The following ACVR2A variants were observed in gnomAD, a reference collection of about 807,000 sequenced individuals.
ACVR2A encodes the protein activin receptor type-2A.
Under a neutral mutation model 61.4 loss-of-function variants are expected in ACVR2A, and 7 were observed. The ratio of observed to expected loss-of-function variants is 0.11; its 90% CI spans 0.06 to 0.21. ACVR2A has a LOEUF of 0.21. ACVR2A is among the 10% of genes least tolerant of loss of function. The pLI is 1.00. For synonymous variants in ACVR2A, 193 were observed against 208.3 expected, an observed-to-expected ratio of 0.93 and a Z score of 0.63; for missense variants, 322 against 621.7, an observed-to-expected ratio of 0.52 and a Z score of 5.13.
Position 147,927,349 on chromosome 2 carries a change from TTTA to T in ACVR2A, c.*78_*80del. On this transcript the variant is annotated 3_prime_UTR_variant, in exon 11 of 11. Coordinates refer to ENST00000241416, the MANE Select transcript of ACVR2A (RefSeq NM_001616.5). ...GCTAAGCTAAAGAAACTGCTTACAG[TTTA>T]TTTTCTGTGTAAAATGAGTAGGATG... is the stretch of plus-strand genomic sequence containing the variant. The T allele has an allele frequency of 1.5e-6, 2 of 1,365,424 alleles. No homozygotes were observed. The allele number at this position is 1,365,424 out of a possible 1,614,324, so 84.6% of individuals were successfully genotyped here.
rs201232911 is a variant in ACVR2A, at chr2:147,915,205, C to T, written c.543C>T (p.Pro181=). The part of the protein sequence containing the change: ...VLVPTQDPGP[P]PPSPLLGLKP... ...TTTATCTGTAGGACCCAGGACCACCCCCACCTTCTCCATTACTAGGTTTGA... is the reference window on the plus strand; with the variant it reads ...TTTATCTGTAGGACCCAGGACCACCTCCACCTTCTCCATTACTAGGTTTGA... Residue 181 remains proline (P), a synonymous_variant, in exon 5 of 11, where the codon CCC becomes CCT. Transcript: ENST00000241416. The T allele has an allele frequency of 2.5e-5, 40 of 1,611,716 alleles. No individual in the cohort carries two copies. Among genetic ancestry groups the T allele is most frequent in the Middle Eastern group, 1.6e-4 (1 of 6,064 alleles).
chr2:147,853,940 A>G (rs1196131771), intron 1 of ACVR2A, among the ~76,000 whole-genome samples: 1 of 152,156 alleles, frequency 6.6e-6, no homozygotes, highest in Non-Finnish European at 1.5e-5. Flanking sequence ...AACTTTTAAA[A>G]TTTGTAAACC....
chr2:147,864,629 G>A (rs1685808892), intron 1 of ACVR2A, among the ~76,000 whole-genome samples: 2 of 152,110 alleles, frequency 1.3e-5, no homozygotes, highest in South Asian at 4.2e-4. Flanking sequence ...TTTAGGCTAG[G>A]GAATATGAAT....
intron 1 of ACVR2A, among the ~76,000 whole-genome samples, chr2:147,876,102 C>T (rs1476650306): frequency 6.6e-6 from 1 of 152,102 alleles, no homozygotes; most frequent in Non-Finnish European, 1.5e-5. Flanking sequence ...TGTGCTCTTG[C>T]AAGCATCTTC....
At chr2:147,851,182 CTG>C (rs1558958072) in intron 1 of ACVR2A, among the ~76,000 whole-genome samples, 2 of 152,230 alleles carry the variant, frequency 1.3e-5, no homozygotes, top group Admixed American at 6.5e-5. Flanking sequence ...CTTTCACTGA[CTG>C]TGAGTCACCT....
chr2:147,877,444 T>C (rs1686187409), intron 1 of ACVR2A: 1 of 152,204 alleles, frequency 6.6e-6, no homozygotes, highest in Non-Finnish European at 1.5e-5. Flanking sequence ...GCAGCACATA[T>C]ACTAATATCG....
intron 1 of ACVR2A, among the ~76,000 whole-genome samples, chr2:147,859,489 CA>C (rs74267449): frequency 0.02 from 1,845 of 91,264 alleles, 21 homozygotes; most frequent in African/African-American, 0.052. Flanking sequence ...TCACCACAGA[CA>C]AAAAAAAAAA....
At chr2:147,919,042 A>G (rs904846350) in intron 7 of ACVR2A, among the ~76,000 whole-genome samples, 2 of 152,066 alleles carry the variant, frequency 1.3e-5, no homozygotes, top group African/African-American at 2.4e-5. Context: ...CAGTGAAGAA[A>G]TACTACTTAG....
At chr2:147,882,371 C>T (rs1481049341) in intron 1 of ACVR2A, among the ~76,000 whole-genome samples, 1 of 152,104 alleles carries the variant, frequency 6.6e-6, no homozygotes, top group African/African-American at 2.4e-5. Flanking sequence ...GCCATCATGG[C>T]GAAACCCTGT....
chr2:147,924,304 C>G (rs370167434), intron 9 of ACVR2A, among the ~76,000 whole-genome samples: 1 of 151,974 alleles, frequency 6.6e-6, no homozygotes, highest in African/African-American at 2.4e-5. Flanking sequence ...TTAGGAGACA[C>G]AAGACCTTAT....
At chr2:147,914,699 C>T (rs556653646) in intron 4 of ACVR2A, among the ~76,000 whole-genome samples, 1 of 152,078 alleles carries the variant, frequency 6.6e-6, no homozygotes, top group South Asian at 2.1e-4. Context: ...TTAAGAATGA[C>T]TGCCGGTATC....
At chr2:147,897,113 A>C (rs1008972236) in intron 2 of ACVR2A, 6 of 152,492 alleles carry the variant, frequency 3.9e-5, no homozygotes, top group African/African-American at 1.5e-4. Flanking sequence ...GGTTCAAGCA[A>C]TTCTTCTGCC....
chr2:147,889,350 AGGTTGTATAAAATT>A (rs1686520421), intron 1 of ACVR2A, among the ~76,000 whole-genome samples: 1 of 152,096 alleles, frequency 6.6e-6, no homozygotes, highest in African/African-American at 2.4e-5. Context: ...TTTCTGGAAG[AGGTTGTATAAAATT>A]GGTGTTGATA....
rs772316755 is a variant in ACVR2A, at chr2:147,899,937, T to G, written c.528+39T>G. The G allele has an allele frequency of 8.2e-6, 13 of 1,586,546 alleles. No homozygotes were observed. The Admixed American group carries it at 1.6e-4, about 19-fold the overall frequency. ...CTGTACTTTGTAGTGTTTTAAATTG[T>G]ATATTTTTGAGAAATATTACTGTGG... is the stretch of plus-strand genomic sequence containing the variant. On this transcript the variant is annotated intron_variant, in intron 4 of 10. Coordinates refer to ENST00000241416, the MANE Select transcript of ACVR2A (RefSeq NM_001616.5).
At chr2:147,911,070 TG>T (rs1687099284) in intron 4 of ACVR2A, among the ~76,000 whole-genome samples, 1 of 152,186 alleles carries the variant, frequency 6.6e-6, no homozygotes, top group South Asian at 2.1e-4. Flanking sequence ...TCTGAGAAAC[TG>T]ATTTCTAGCT....
intron 1 of ACVR2A, among the ~76,000 whole-genome samples, chr2:147,857,182 C>T (rs1685601098): frequency 6.6e-6 from 1 of 152,054 alleles, no homozygotes; most frequent in African/African-American, 2.4e-5. Context: ...ACTTTATTTT[C>T]CTTTTGAATC....
intron 1 of ACVR2A, among the ~76,000 whole-genome samples, chr2:147,853,527 C>T (rs1685495790): frequency 6.6e-6 from 1 of 151,962 alleles, no homozygotes; most frequent in Admixed American, 6.6e-5. Context: ...TTTCAGTGAC[C>T]ATTCTTTTGG....
At chr2:147,894,967 T>C (rs1021784201) in intron 1 of ACVR2A, among the ~76,000 whole-genome samples, 1 of 152,114 alleles carries the variant, frequency 6.6e-6, no homozygotes, top group African/African-American at 2.4e-5. Flanking sequence ...AATAAGTATG[T>C]TGGAAAAGGC....
At chr2:147,890,341 AGTGTGTGT>A (rs60514095) in intron 1 of ACVR2A, among the ~76,000 whole-genome samples, 5 of 148,840 alleles carry the variant, frequency 3.4e-5, no homozygotes, top group South Asian at 2.2e-4. Context: ...CCATTAGTAT[AGTGTGTGT>A]GTGTGTGTGT....
Sources: gnomAD v4.1 joint callset for allele counts (sites outside exome capture counted in the v4.1 genomes callset) on GRCh38, gnomAD v4.1.1 for gene constraint, MANE v1.5 for transcripts, NCBI Gene and HGNC (gene_info 2026-07-23, HGNC 2026-07-21) for gene names.